Variants in API5 observed in about 807,000 individuals in gnomAD.
API5 encodes FIF.
Under a neutral mutation model 71.9 loss-of-function variants are expected in API5, and 6 were observed. The ratio of observed to expected loss-of-function variants is 0.08; its 90% CI spans 0.05 to 0.16. API5 has a LOEUF of 0.16. Among genes scored for constraint, API5 ranks in the 10% least tolerant of loss-of-function variants. The pLI is 1.00. For missense variants in API5, 332 were observed against 612.8 expected (o/e 0.54, Z 4.84); for synonymous variants, 189 against 221.3 (o/e 0.85, Z 1.30).
intron 2 of API5, 105 bp downstream of exon 2, chr11:43,318,906 T>G: frequency 8.4e-7 from 1 of 1,187,342 alleles, no homozygotes; most frequent in Non-Finnish European, 1.2e-6. Context: ...AATAAAATAC[T>G]ATGGTATGGT....
intron 2 of API5, among the ~76,000 whole-genome samples, chr11:43,320,091 G>A (rs1437421078): frequency 6.8e-6 from 1 of 147,766 alleles, no homozygotes; most frequent in South Asian, 2.2e-4. Flanking sequence ...TATTGGCCAG[G>A]CTGGAGTGCG....
chr11:43,333,779 A>G (rs1328207192), intron 11 of API5, among the ~76,000 whole-genome samples: 3 of 149,488 alleles, frequency 2.0e-5, no homozygotes, highest in Middle Eastern at 3.2e-3. Context: ...GGTTCATGCA[A>G]TCTCAACACA....
chr11:43,330,254 T>G lies in API5; in HGVS notation c.1221+196T>G. 4 of 616,928 alleles carry G rather than the reference T, an allele frequency of 6.5e-6. No individual in the cohort carries two copies. In the South Asian group the frequency reaches 8.4e-5, roughly 13 times the overall value. The allele number at this position is 616,928 out of a possible 1,614,324, so 38.2% of individuals were successfully genotyped here. ...TTTTAAAACAACTTCTATGTGCATG[T>G]GACCTTACTCATTTTTTAGCTACAT... On this transcript the variant is annotated intron_variant, in intron 10 of 13. Coordinates refer to ENST00000531273, the MANE Select transcript of API5 (RefSeq NM_001142930.2).
At position 43,328,881 on chromosome 11, in the gene API5, A is replaced by G; in HGVS notation, c.1115A>G (p.Asp372Gly). Residue 372 changes from aspartate (D) to glycine (G), a missense_variant, in exon 9 of 14, where the codon GAT (aspartate) becomes GGT (glycine). Asp to Gly is a moderately conservative substitution (Grantham distance 94). This residue lies in a region of API5 where 168 missense variants were observed against 343.9 expected (regional missense o/e 0.49). Coordinates refer to ENST00000531273, the MANE Select transcript of API5 (RefSeq NM_001142930.2). Reference sequence around the variant, plus strand: ...AAACTGAATGCAGAAAAGCTCAAAGATTTCAAAATCAGGTGATATATGATT... The same window carrying G: ...AAACTGAATGCAGAAAAGCTCAAAGGTTTCAAAATCAGGTGATATATGATT... ...TAKLNAEKLK[D>G]FKIRLQYFAR... The G allele has an allele frequency of 6.2e-7, 1 of 1,613,964 alleles. No individual in the cohort carries two copies. Among genetic ancestry groups the G allele is most frequent in the East Asian group, 2.2e-5 (1 of 44,880 alleles).
At chr11:43,314,209 T>A (rs922114063) in intron 1 of API5, among the ~76,000 whole-genome samples, 2 of 152,242 alleles carry the variant, frequency 1.3e-5, no homozygotes, top group African/African-American at 4.8e-5. Context: ...ATCTGTGACT[T>A]AGTTGGGTAA....
intron 12 of API5, 115 bp downstream of exon 12, chr11:43,335,469 T>C (rs1163651706): frequency 1.6e-6 from 1 of 640,008 alleles, no homozygotes; most frequent in Non-Finnish European, 2.7e-6. Flanking sequence ...TAAATATGAC[T>C]ATTAGAAATA....
chr11:43,341,021 ACTC>A (rs1855593620), intron 13 of API5, among the ~76,000 whole-genome samples: 1 of 152,352 alleles, frequency 6.6e-6, no homozygotes, highest in South Asian at 2.1e-4. Flanking sequence ...TTTGTAAACT[ACTC>A]ATGCAACAGA....
At chr11:43,327,738 C>A (rs1565106748) in intron 7 of API5, 51 bp from the exon 8 acceptor site, 1 of 1,313,058 alleles carries the variant, frequency 7.6e-7, no homozygotes, top group South Asian at 1.3e-5. Context: ...ACTCTCATTT[C>A]ATAACCCTTG....
chr11:43,320,248 A>G (rs1401743926), intron 2 of API5, among the ~76,000 whole-genome samples: 1 of 151,252 alleles, frequency 6.6e-6, no homozygotes, highest in African/African-American at 2.4e-5. Context: ...GTTTCACCAT[A>G]TTGGCAAGGC....
Position 43,320,921 on chromosome 11 carries a change from G to T in API5, c.325+7G>T, listed in dbSNP as rs753202752. The T allele has an allele frequency of 1.9e-6, 3 of 1,594,500 alleles. No homozygotes were observed. The Admixed American group carries it at 5.1e-5, about 27-fold the overall frequency. On this transcript the variant is annotated splice_region_variant and intron_variant, in intron 3 of 13. Transcript: ENST00000531273. The stretch of plus-strand genomic sequence containing the variant: ...ACGCAACTTTTGCAGACAGGTAAGG[G>T]ATTTTATTATTACCTTTTTCTCTAA...
rs1855465078 is a variant in API5 at position 43,337,190 on chromosome 11, G to A, written c.1492+1196G>A. Among the ~76,000 whole-genome samples, 5 of 152,014 alleles carry A rather than the reference G, an allele frequency of 3.3e-5. No homozygotes were observed. The South Asian group carries it at 1.0e-3, about 32-fold the overall frequency. On this transcript the variant is annotated intron_variant, in intron 13 of 13. Transcript: ENST00000531273. ...AAAATTTAAAAATTAGTTGGGTATG[G>A]TGGCACGCACTTATAGTCCCAGCTA... is the stretch of plus-strand genomic sequence containing the variant.
chr11:43,338,647 GT>G (rs1419378935), intron 13 of API5, among the ~76,000 whole-genome samples: 627 of 22,172 alleles, frequency 0.028, 5 homozygotes, highest in Middle Eastern at 0.062. Context: ...TCAATTGGAG[GT>G]AAAAAAAAAA....
intron 11 of API5, 129 bp from the exon 12 acceptor site, chr11:43,335,149 A>G (rs899569506): frequency 2.3e-5 from 16 of 691,452 alleles, no homozygotes; most frequent in Admixed American, 2.1e-4. Flanking sequence ...TTCCTGTTTA[A>G]TTTTCTGTTG....
rs202048756 is a variant in API5 at position 43,324,020 on chromosome 11, A to AT, written c.750+394dup. ...GCAAGAAACTTTCTTGAAAGAAAGA[A>AT]TTTTTTTTTTCCTTTGAGACAGAGT... On this transcript the variant is annotated intron_variant, in intron 6 of 13. Transcript: ENST00000531273. 4.2e-4 allele frequency among the ~76,000 whole-genome samples: 63 copies of AT among 150,752 alleles called. 1 individual carries two copies. Among genetic ancestry groups the AT allele is most frequent in the Admixed American group, 2.6e-3 (40 of 15,102 alleles).
At chr11:43,327,523 A>T (rs568186516) in intron 7 of API5, among the ~76,000 whole-genome samples, 5 of 152,334 alleles carry the variant, frequency 3.3e-5, no homozygotes, top group Admixed American at 6.5e-5. Context: ...TCACAGATAT[A>T]TTGGAAATCA....
At chr11:43,340,309 G>A (rs1047191670) in intron 13 of API5, 19 of 229,954 alleles carry the variant, frequency 8.3e-5, no homozygotes, top group East Asian at 1.6e-4. Context: ...AAGACACTCC[G>A]TACTCATGGA....
rs368783012 is a variant in API5 at position 43,320,042 on chromosome 11, C to CTTTTT, written c.232-762_232-758dup. ...AAGATTAAATTGGAGCAAATTCTCT[C>CTTTTT]TTTTTTTTTTTTTTTTTTTTTGAGA... On this transcript the variant is annotated intron_variant, in intron 2 of 13. Transcript: ENST00000531273. 6.7e-5 allele frequency among the ~76,000 whole-genome samples: 8 copies of CTTTTT among 120,146 alleles called. 1 individual carries two copies. The highest frequency in any genetic ancestry group is 9.1e-5 in the African/African-American group (3 of 32,850). 78.8% of individuals were successfully genotyped at this position (120,146 alleles called of 152,430 possible).
intron 7 of API5, 78 bp from the exon 8 acceptor site, chr11:43,327,711 A>C (rs1007083361): frequency 3.9e-6 from 4 of 1,032,620 alleles, no homozygotes; most frequent in Non-Finnish European, 5.7e-6. Flanking sequence ...TAAAGTCTTA[A>C]ATCGTTATCT....
At chr11:43,330,596 A>G in intron 11 of API5, 32 bp downstream of exon 11, 1 of 1,466,892 alleles carries the variant, frequency 6.8e-7, no homozygotes, top group Non-Finnish European at 9.5e-7. Context: ...ACATTTCTGC[A>G]GTTACCATAA....
Sources: allele counts gnomAD v4.1 joint callset (sites outside exome capture counted in the v4.1 genomes callset), GRCh38; gene constraint gnomAD v4.1.1; regional missense constraint gnomAD v4.1.1; transcripts MANE v1.5; gene names NCBI Gene and HGNC (gene_info 2026-07-23, HGNC 2026-07-21).